Variants in MEGF11 observed in about 807,000 individuals in gnomAD.
The protein encoded by MEGF11 is multiple EGF like domains 11.
MEGF11 carries 126 observed loss-of-function variants against 146.6 expected under a neutral mutation model. The ratio of observed to expected loss-of-function variants is 0.86; its 90% CI spans 0.74 to 1.00. The LOEUF is 1.00. Among genes scored for constraint, MEGF11 ranks in the 50% least tolerant of loss-of-function variants. MEGF11 has a pLI of 0.00. For synonymous variants in MEGF11, 532 were observed against 583.4 expected, an observed-to-expected ratio of 0.91 and a Z score of 1.27; for missense variants, 1,509 against 1,521.2, an observed-to-expected ratio of 0.99 and a Z score of 0.13.
intron 5 of MEGF11, among the ~76,000 whole-genome samples, chr15:65,984,016 C>T (rs11639031): frequency 0.047 from 7,212 of 152,212 alleles, 279 homozygotes; most frequent in Non-Finnish European, 0.069. Context: ...TGGAGCCTGC[C>T]TATCATCCTG....
intron 5 of MEGF11, among the ~76,000 whole-genome samples, chr15:66,077,478 G>T (rs999865724): frequency 3.3e-5 from 5 of 152,156 alleles, no homozygotes; most frequent in Non-Finnish European, 7.4e-5. Flanking sequence ...ATATGGCTTT[G>T]CATTCTCTCA....
At chr15:66,162,983 T>C (rs1207462057) in intron 1 of MEGF11, among the ~76,000 whole-genome samples, 1 of 152,266 alleles carries the variant, frequency 6.6e-6, no homozygotes, top group African/African-American at 2.4e-5. Flanking sequence ...CAGAGATTTG[T>C]ATATGTAGGT....
At chr15:65,985,755 G>A (rs1400526078) in intron 5 of MEGF11, among the ~76,000 whole-genome samples, 1 of 151,934 alleles carries the variant, frequency 6.6e-6, no homozygotes, top group Non-Finnish European at 1.5e-5. Context: ...TGCCCTATTG[G>A]GGTGCACAGT....
At chr15:66,223,390 T>C (rs2091780214) in intron 1 of MEGF11, among the ~76,000 whole-genome samples, 1 of 151,494 alleles carries the variant, frequency 6.6e-6, no homozygotes, top group East Asian at 1.9e-4. Flanking sequence ...TTTGGGGTAA[T>C]TGTGGGATTA....
intron 1 of MEGF11, among the ~76,000 whole-genome samples, chr15:66,196,362 C>T (rs1339323664): frequency 1.3e-5 from 2 of 151,916 alleles, no homozygotes; most frequent in African/African-American, 4.8e-5. Flanking sequence ...ATCCCAGCTA[C>T]TCGAGAGGCT....
chr15:65,916,295 C>T lies in MEGF11; in HGVS notation c.2216-19G>A. 1 of 1,549,506 alleles carries T rather than the reference C, an allele frequency of 6.5e-7. No individual in the cohort carries two copies. Among genetic ancestry groups the T allele is most frequent in the Non-Finnish European group, 8.7e-7 (1 of 1,145,658 alleles). On this transcript the variant is annotated intron_variant, in intron 17 of 25. Transcript: ENST00000395614. ...GGGCAGCCTAGAGAAACAGGATTTC[C>T]AGTCACGAGAGTTGCTGCTGGGTGG...
In MEGF11 at chr15:66,199,624, C is replaced by T. The variant is rs899043856; in HGVS notation, c.-9+53981G>A. On this transcript the variant is annotated intron_variant, in intron 1 of 25. Transcript: ENST00000395614. Reference sequence around the variant, plus strand: ...TGTAGTTAAGGCACACCAACACTAACAAAAAAATTTAAAAATTCTCTGGGC... The same window carrying T: ...TGTAGTTAAGGCACACCAACACTAATAAAAAAATTTAAAAATTCTCTGGGC... Among the ~76,000 whole-genome samples, 2 of 151,996 alleles carry T rather than the reference C, an allele frequency of 1.3e-5. 1 individual carries two copies. The highest frequency in any genetic ancestry group is 2.9e-5 in the Non-Finnish European group (2 of 67,990).
At chr15:65,928,373 C>A in intron 13 of MEGF11, 52 bp downstream of exon 13, 2 of 1,301,844 alleles carry the variant, frequency 1.5e-6, no homozygotes, top group Admixed American at 2.1e-5. Flanking sequence ...AGTAGGATAC[C>A]AAGAACCCAG....
At chr15:66,208,007 C>T (rs183814229) in intron 1 of MEGF11, among the ~76,000 whole-genome samples, 195 of 151,942 alleles carry the variant, frequency 1.3e-3, no homozygotes, top group Admixed American at 4.4e-3. Flanking sequence ...ATTGCTTGAA[C>T]CTGGGAGGTG....
At position 66,105,295 on chromosome 15, in the gene MEGF11, G is replaced by A. The variant is rs117605458; in HGVS notation, c.302-10801C>T. On this transcript the variant is annotated intron_variant, in intron 4 of 25. Transcript: ENST00000395614. ...AGGAAAGGAAAAAGCAAGAGGAGGA[G>A]GAAGAGAGAGACAGAAAAGGGAGAA... Among the ~76,000 whole-genome samples the A allele has an allele frequency of 1.9e-4, 29 of 152,330 alleles. No individual in the cohort carries two copies. The East Asian group carries it at 5.6e-3, about 29-fold the overall frequency.
At chr15:66,082,425 TAAAAAAAAAAAAAAAAAAAAAAAAAA>T (rs796328490) in intron 5 of MEGF11, among the ~76,000 whole-genome samples, 34 of 15,688 alleles carry the variant, frequency 2.2e-3, no homozygotes, top group African/African-American at 7.6e-3. Context: ...CCATCTCTAC[TAAAAAAAAAAAAAAAAAAAAAAAAAA>T]AAAAAAAAAA....
chr15:65,904,984 C>T (rs1440427404), intron 24 of MEGF11, among the ~76,000 whole-genome samples: 1 of 152,186 alleles, frequency 6.6e-6, no homozygotes, highest in African/African-American at 2.4e-5. Context: ...CCTTTGCCTC[C>T]CGGCTTCAAG....
chr15:65,943,147 A>C (rs1197314751), intron 10 of MEGF11, among the ~76,000 whole-genome samples: 1 of 151,818 alleles, frequency 6.6e-6, no homozygotes, highest in Non-Finnish European at 1.5e-5. Flanking sequence ...AGGCCTGGCT[A>C]ATTTACTAAA....
chr15:66,160,323 G>A (rs915654795), intron 1 of MEGF11, among the ~76,000 whole-genome samples: 1 of 149,890 alleles, frequency 6.7e-6, no homozygotes, highest in African/African-American at 2.5e-5. Context: ...TAAGGGTGCA[G>A]CAGCCACCTT....
chr15:66,155,132 C>T (rs537736621), intron 1 of MEGF11, among the ~76,000 whole-genome samples: 4 of 152,184 alleles, frequency 2.6e-5, no homozygotes, highest in Non-Finnish European at 5.9e-5. Flanking sequence ...ATGAGCAGGT[C>T]CTGAATGAGA....
intron 5 of MEGF11, among the ~76,000 whole-genome samples, chr15:66,000,104 C>T (rs2082318828): frequency 1.3e-5 from 2 of 152,262 alleles, no homozygotes; most frequent in South Asian, 2.1e-4. Context: ...CCATCAGCCT[C>T]TCTATCCTGT....
At chr15:66,037,659 G>A (rs1338458769) in intron 5 of MEGF11, among the ~76,000 whole-genome samples, 2 of 152,202 alleles carry the variant, frequency 1.3e-5, no homozygotes, top group South Asian at 2.1e-4. Flanking sequence ...AATTGGGGCA[G>A]CTCTCTTCCA....
rs1037996054 is a variant in MEGF11, at chr15:66,055,828, G to C, written c.394+38574C>G. On this transcript the variant is annotated intron_variant, in intron 5 of 25. Transcript: ENST00000395614. ...TCAACATGATTCGGGAGGCTCTGCA[G>C]TTGAGGGGTGGTGGTGGTTTCCATC... is the stretch of plus-strand genomic sequence containing the variant. Among the ~76,000 whole-genome samples, 5 of 152,292 alleles carry C rather than the reference G, an allele frequency of 3.3e-5. No homozygotes were observed. The South Asian group carries it at 6.2e-4, about 19-fold the overall frequency.
intron 1 of MEGF11, among the ~76,000 whole-genome samples, chr15:66,147,267 A>AC (rs2141023802): frequency 6.6e-6 from 1 of 152,150 alleles, no homozygotes; most frequent in East Asian, 1.9e-4. Flanking sequence ...CCCAAATGGC[A>AC]CCTTACATGG....
Sources: gnomAD v4.1 joint callset for allele counts (sites outside exome capture counted in the v4.1 genomes callset) on GRCh38, gnomAD v4.1.1 for gene constraint, MANE v1.5 for transcripts, NCBI Gene and HGNC (gene_info 2026-07-23, HGNC 2026-07-21) for gene names.